Variants in IVNS1ABP observed in about 807,000 individuals in gnomAD.
IVNS1ABP encodes influenza virus NS1A binding protein.
Under a neutral mutation model 78.9 loss-of-function variants are expected in IVNS1ABP, and 25 were observed. The observed-to-expected ratio is 0.32, with a 90% CI of 0.23 to 0.44. The LOEUF is 0.44. Ranked by LOEUF, IVNS1ABP falls within the 20% of genes least tolerant of loss-of-function variation. The probability of loss-of-function intolerance (pLI) is 1.00; values close to 1 mark genes in which losing one functional copy is unlikely to be tolerated. For missense variants in IVNS1ABP, 494 were observed against 768.9 expected (o/e 0.64, Z 4.23); for synonymous variants, 241 against 259.7 (o/e 0.93, Z 0.69).
At chr1:185,304,664 C>T (rs947545692) in intron 8 of IVNS1ABP, among the ~76,000 whole-genome samples, 3 of 152,050 alleles carry the variant, frequency 2.0e-5, no homozygotes, top group African/African-American at 7.2e-5. Context: ...TTTTTTCAAG[C>T]ATAGCCAAAC....
chr1:185,312,232 GTCC>G (rs1571750243), intron 1 of IVNS1ABP, among the ~76,000 whole-genome samples: 2 of 152,238 alleles, frequency 1.3e-5, no homozygotes, highest in East Asian at 3.9e-4. Context: ...AAGGTAATCA[GTCC>G]TCCTACCTAT....
chr1:185,308,025 CAATTT>C (rs1390094771), intron 5 of IVNS1ABP: 2 of 1,548,994 alleles, frequency 1.3e-6, no homozygotes, highest in East Asian at 2.4e-5. Flanking sequence ...ATGCTGCAAA[CAATTT>C]AATTTGGTTG....
intron 3 of IVNS1ABP, 91 bp downstream of exon 3, chr1:185,309,292 A>T: frequency 8.3e-7 from 1 of 1,205,634 alleles, no homozygotes; most frequent in Non-Finnish European, 1.2e-6. Flanking sequence ...TCATTTCATT[A>T]AATGCCTATG....
At chr1:185,307,284 G>C (rs1258053406) in intron 6 of IVNS1ABP, 145 bp from the exon 7 acceptor site, 1 of 1,156,100 alleles carries the variant, frequency 8.6e-7, no homozygotes. Flanking sequence ...AATTTGTAAG[G>C]AACCAGGAAT....
intron 1 of IVNS1ABP, among the ~76,000 whole-genome samples, chr1:185,312,339 A>G (rs935413141): frequency 7.9e-5 from 12 of 152,212 alleles, no homozygotes; most frequent in African/African-American, 2.9e-4. Context: ...CACCACTATT[A>G]ACTCTGGAAA....
Position 185,299,775 on chromosome 1 carries a change from T to C in IVNS1ABP, c.1610A>G (p.Asn537Ser). 1 of 1,613,690 alleles carries C rather than the reference T, an allele frequency of 6.2e-7. No individual in the cohort carries two copies. ...CATGGGTGCAATTAAAGTCCAGGTA[T>C]TATTTTCAGGATTGTATCGTTCTAC... ...NTVERYNPEN[N>S]TWTLIAPMNV... The change falls in exon 14 of 15, where the codon AAT (asparagine) becomes AGT (serine). Residue 537 changes from asparagine to serine, a missense_variant. Transcript: ENST00000367498.
intron 8 of IVNS1ABP, among the ~76,000 whole-genome samples, chr1:185,304,599 A>G (rs1185849005): frequency 6.6e-6 from 1 of 152,186 alleles, no homozygotes; most frequent in Non-Finnish European, 1.5e-5. Flanking sequence ...CCTCAAAAAC[A>G]TAATTTGAGC....
intron 14 of IVNS1ABP, 195 bp downstream of exon 14, chr1:185,299,515 T>C: frequency 3.3e-6 from 2 of 605,078 alleles, no homozygotes; most frequent in South Asian, 4.0e-5. Context: ...TTAAGTTATA[T>C]ATCAAGTATT....
chr1:185,310,708 C>G (rs955672668), intron 2 of IVNS1ABP, among the ~76,000 whole-genome samples: 2 of 152,036 alleles, frequency 1.3e-5, no homozygotes, highest in Admixed American at 6.6e-5. Flanking sequence ...AATCCTGTCT[C>G]TACAAAAAAT....
At chr1:185,302,484 G>T (rs1002963186) in intron 8 of IVNS1ABP, among the ~76,000 whole-genome samples, 2 of 152,100 alleles carry the variant, frequency 1.3e-5, no homozygotes, top group Non-Finnish European at 2.9e-5. Flanking sequence ...CACTTGTGCT[G>T]GTCCAGATGG....
intron 1 of IVNS1ABP, among the ~76,000 whole-genome samples, chr1:185,315,373 T>A (rs1665988381): frequency 6.6e-6 from 1 of 152,184 alleles, no homozygotes; most frequent in Non-Finnish European, 1.5e-5. Context: ...CCTGAAATGT[T>A]TTGTCTTGGG....
In IVNS1ABP at chr1:185,298,082, G is replaced by C. The variant is rs1216077058; in HGVS notation, c.1882C>G (p.Leu628Val). The change falls in exon 15 of 15, where the codon CTT becomes GTT. Residue 628 changes from leucine (L) to valine (V), a missense_variant. Coordinates refer to ENST00000367498, the MANE Select transcript of IVNS1ABP (RefSeq NM_006469.5). This position sits in a 1 kb window ranked among gnomAD's most constrained non-coding sequence, Gnocchi z 4.1. Reference sequence around the variant, plus strand: ...TAGGGGCTCCATTCATTTGACTCAAGGTTATAGACTTCCACCGTATTCAGA... The same window carrying C: ...TAGGGGCTCCATTCATTTGACTCAACGTTATAGACTTCCACCGTATTCAGA... The part of the protein sequence containing the change: ...EFLNTVEVYN[L>V]ESNEWSPYTK... The C allele has an allele frequency of 8.1e-6, 13 of 1,613,476 alleles. No individual in the cohort carries two copies. The highest frequency in any genetic ancestry group is 1.3e-5 in the African/African-American group (1 of 74,858).
At chr1:185,312,528 CCTA>C (rs1277664514) in intron 1 of IVNS1ABP, among the ~76,000 whole-genome samples, 1 of 152,194 alleles carries the variant, frequency 6.6e-6, no homozygotes, top group Non-Finnish European at 1.5e-5. Context: ...ATTCAACAAA[CCTA>C]CTATGTTTAG....
intron 7 of IVNS1ABP, 145 bp downstream of exon 7, chr1:185,306,869 C>A (rs913779489): frequency 5.8e-6 from 5 of 866,952 alleles, no homozygotes; most frequent in South Asian, 1.8e-5. Context: ...CTGGACACCC[C>A]CCCTGTTTCT....
In IVNS1ABP at chr1:185,309,325, G is replaced by C; in HGVS notation, c.111+58C>G. Reference sequence around the variant, plus strand: ...ATGAAAAAGAAATAAGCAAATCTAAGAACTTATGGCTTTTAGTAATAAAAA... The same window carrying C: ...ATGAAAAAGAAATAAGCAAATCTAACAACTTATGGCTTTTAGTAATAAAAA... On this transcript the variant is annotated intron_variant, in intron 3 of 14. Transcript: ENST00000367498. The C allele has an allele frequency of 2.3e-6, 3 of 1,302,086 alleles. No homozygotes were observed. The Admixed American group carries it at 6.8e-5, about 30-fold the overall frequency. The allele number at this position is 1,302,086 out of a possible 1,614,324, so 80.7% of individuals were successfully genotyped here. A position where few individuals can be genotyped will look rare whatever the true frequency, so the allele number is the denominator to read the frequency against.
Position 185,314,844 on chromosome 1 carries a change from G to A in IVNS1ABP, c.-247+2109C>T, listed in dbSNP as rs547530701. Among the ~76,000 whole-genome samples, 3 of 152,260 alleles carry A rather than the reference G, an allele frequency of 2.0e-5. No individual in the cohort carries two copies. In the East Asian group the frequency reaches 5.8e-4, roughly 29 times the overall value. ...AAAGCATAACACAAAGTCGTTTATA[G>A]TTTGCTACATGGAGAAGGGAAGGAA... On this transcript the variant is annotated intron_variant, in intron 1 of 14. Coordinates refer to ENST00000367498, the MANE Select transcript of IVNS1ABP (RefSeq NM_006469.5).
In IVNS1ABP at chr1:185,307,678, T is replaced by C. The variant is rs774071717; in HGVS notation, c.358-16A>G. On this transcript the variant is annotated splice_polypyrimidine_tract_variant and intron_variant, in intron 5 of 14. Transcript: ENST00000367498. The stretch of plus-strand genomic sequence containing the variant: ...CACCACAAACCTTGGAAAAGAAATA[T>C]ATGAGTGCCAACACTTACATATCTT... 2.5e-6 allele frequency: 4 copies of C among 1,607,542 alleles called. No individual in the cohort carries two copies. The highest frequency in any genetic ancestry group is 3.4e-6 in the Non-Finnish European group (4 of 1,175,344).
chr1:185,300,636 GA>G, intron 10 of IVNS1ABP, 78 bp from the exon 11 acceptor site: 1 of 1,426,862 alleles, frequency 7.0e-7, no homozygotes, highest in Non-Finnish European at 9.7e-7. Flanking sequence ...GTAAGTTTAA[GA>G]AATCTGCACA....
rs771112530 is a variant in IVNS1ABP, at chr1:185,298,089, G to A, written c.1875C>T (p.Val625=). The A allele has an allele frequency of 1.9e-6, 3 of 1,613,502 alleles. 1 individual carries two copies. In the East Asian group the frequency reaches 6.7e-5, roughly 36 times the overall value. ...DGNEFLNTVE[V]YNLESNEWSP... ...TCCATTCATTTGACTCAAGGTTATA[G>A]ACTTCCACCGTATTCAGAAATTCAT... The change falls in exon 15 of 15, where the codon GTC becomes GTT. Residue 625 remains valine (V), a synonymous_variant. Transcript: ENST00000367498. This position sits in a 1 kb window ranked among gnomAD's most constrained non-coding sequence, Gnocchi z 4.1.
Sources: allele counts gnomAD v4.1 joint callset (sites outside exome capture counted in the v4.1 genomes callset), GRCh38; gene constraint gnomAD v4.1.1; non-coding constraint Gnocchi (gnomAD v3.1); transcripts MANE v1.5; gene names NCBI Gene and HGNC (gene_info 2026-07-23, HGNC 2026-07-21).